SERP2: variants seen among roughly 807,000 people sequenced by gnomAD.
SERP2 encodes stress associated endoplasmic reticulum protein family member 2.
A neutral mutation model predicts 9.1 loss-of-function variants in SERP2; 6 were observed. The observed-to-expected ratio is 0.66, with a 90% CI of 0.36 to 1.30. The LOEUF (loss-of-function observed/expected upper bound fraction) is 1.30. Ranked by LOEUF, SERP2 falls within the 50% of genes most tolerant of loss-of-function variation. The pLI, the probability that SERP2 is intolerant of heterozygous loss-of-function variation, is 0.03. For synonymous variants in SERP2, 37 were observed against 27.3 expected, an observed-to-expected ratio of 1.35 and a Z score of -1.10; for missense variants, 58 against 81.9, an observed-to-expected ratio of 0.71 and a Z score of 1.13.
chr13:44,392,933 G>A (rs1436882392), intron 2 of SERP2, among the ~76,000 whole-genome samples: 1 of 152,134 alleles, frequency 6.6e-6, no homozygotes, highest in Non-Finnish European at 1.5e-5. Flanking sequence ...TATGTTTAAT[G>A]GTCAAGTGGA....
At chr13:44,386,118 G>A (rs772679168) in intron 2 of SERP2, among the ~76,000 whole-genome samples, 7 of 152,126 alleles carry the variant, frequency 4.6e-5, no homozygotes, top group Admixed American at 6.5e-5. Context: ...GTGATAAAGC[G>A]TCAAGTCTTC....
chr13:44,393,278 C>G (rs1250761184), intron 2 of SERP2, among the ~76,000 whole-genome samples: 3 of 151,984 alleles, frequency 2.0e-5, no homozygotes, highest in African/African-American at 7.2e-5. Context: ...AAGAGAGGGC[C>G]CTGTGGATGG....
intron 2 of SERP2, among the ~76,000 whole-genome samples, chr13:44,394,338 T>C (rs967121554): frequency 6.6e-6 from 1 of 152,168 alleles, no homozygotes; most frequent in African/African-American, 2.4e-5. Flanking sequence ...TTGGCCAGGA[T>C]GGTCTCAATC....
Position 44,397,472 on chromosome 13 carries a change from TG to T in SERP2, c.*161del, listed in dbSNP as rs1340867631. 1.4e-5 allele frequency: 9 copies of T among 636,764 alleles called. No homozygotes were observed. The highest frequency in any genetic ancestry group is 2.6e-5 in the Admixed American group (1 of 38,508). 39.4% of individuals were successfully genotyped at this position (636,764 alleles called of 1,614,324 possible). On this transcript the variant is annotated 3_prime_UTR_variant, in exon 3 of 3. Coordinates refer to ENST00000379179, the MANE Select transcript of SERP2 (RefSeq NM_001010897.3). ...CTTCATCGTGGATGTCAGACCAAATTGCCTTCTCACAGGACATCTTGGTGCA... is the reference window on the plus strand; with the variant it reads ...CTTCATCGTGGATGTCAGACCAAATTCCTTCTCACAGGACATCTTGGTGCA...
At chr13:44,384,985 G>C (rs1357048194) in intron 2 of SERP2, among the ~76,000 whole-genome samples, 3 of 152,212 alleles carry the variant, frequency 2.0e-5, no homozygotes, top group African/African-American at 7.2e-5. Flanking sequence ...TAAATATTCA[G>C]GTCAGGCAGA....
chr13:44,388,286 G>A (rs12397520), intron 2 of SERP2, among the ~76,000 whole-genome samples: 2 of 110,592 alleles, frequency 1.8e-5, no homozygotes, highest in Non-Finnish European at 3.9e-5. Flanking sequence ...TTTTGTGTGT[G>A]TGTTTGTTTC....
intron 2 of SERP2, among the ~76,000 whole-genome samples, chr13:44,381,601 C>T (rs1278922145): frequency 6.6e-6 from 1 of 152,236 alleles, no homozygotes; most frequent in African/African-American, 2.4e-5. Flanking sequence ...GTGACCACCA[C>T]AGAGGCAGTA....
intron 1 of SERP2, among the ~76,000 whole-genome samples, chr13:44,375,981 T>C (rs963939557): frequency 2.6e-5 from 4 of 152,284 alleles, no homozygotes; most frequent in African/African-American, 9.6e-5. Flanking sequence ...ATTTAAATTA[T>C]ATTTAATGTA....
chr13:44,397,639 TG>T lies in SERP2; in HGVS notation c.*329del. 2.6e-6 allele frequency: 1 copy of T among 388,670 alleles called. No homozygotes were observed. Among genetic ancestry groups the T allele is most frequent in the South Asian group, 2.7e-5 (1 of 37,232 alleles). 24.1% of individuals were successfully genotyped at this position (388,670 alleles called of 1,614,324 possible). A position where few individuals can be genotyped will look rare whatever the true frequency, so the allele number is the denominator to read the frequency against. ...TGCATGTGGCCCTCTGAACGATCAC[TG>T]GTTTACTTTCTATGGATACAATCTC... is the stretch of plus-strand genomic sequence containing the variant. On this transcript the variant is annotated 3_prime_UTR_variant, in exon 3 of 3. Transcript: ENST00000379179.
rs1221534294 is a variant in SERP2, at chr13:44,379,690, T to G, written c.134T>G (p.Phe45Cys). 1 of 1,612,922 alleles carries G rather than the reference T, an allele frequency of 6.2e-7. No individual in the cohort carries two copies. The highest frequency in any genetic ancestry group is 1.1e-5 in the South Asian group (1 of 90,900). The change falls in exon 2 of 3, where the codon TTT (phenylalanine) becomes TGT (cysteine). Residue 45 changes from phenylalanine to cysteine, a missense_variant. Transcript: ENST00000379179. ...GTGGGACCATGGCTGTTGGCACTGT[T>G]TGTTTTTGTTGTCTGTGGCTCAGGT... ...YPVGPWLLAL[F>C]VFVVCGSAIF...
intron 2 of SERP2, among the ~76,000 whole-genome samples, chr13:44,385,599 A>C (rs1252232129): frequency 6.6e-6 from 1 of 152,222 alleles, no homozygotes; most frequent in Non-Finnish European, 1.5e-5. Flanking sequence ...TAGGCAAGGG[A>C]CTGCTTTGAA....
chr13:44,382,817 A>T (rs1872074026), intron 2 of SERP2, among the ~76,000 whole-genome samples: 1 of 152,170 alleles, frequency 6.6e-6, no homozygotes, highest in Non-Finnish European at 1.5e-5. Context: ...TTGGAAATAC[A>T]ATCCTGTTTG....
Position 44,388,614 on chromosome 13 carries a change from G to A in SERP2, c.158-8658G>A, listed in dbSNP as rs545343711. ...ATTTCTGTGCAGGGACATTCCTTTC[G>A]TCTGTCAGTTAACAGGCGGCACTTT... On this transcript the variant is annotated intron_variant, in intron 2 of 2. Coordinates refer to ENST00000379179, the MANE Select transcript of SERP2 (RefSeq NM_001010897.3). Among the ~76,000 whole-genome samples, 35 of 152,162 alleles carry A rather than the reference G, an allele frequency of 2.3e-4. No individual in the cohort carries two copies. The South Asian group carries it at 5.0e-3, about 22-fold the overall frequency.
Position 44,373,835 on chromosome 13 carries a change from G to A in SERP2, c.-191G>A, listed in dbSNP as rs966001222. The stretch of plus-strand genomic sequence containing the variant: ...TGAGATGAGAGATTACTTCCGTCCG[G>A]GCTGCGGCCTCTCTCTGGAGTCGGC... On this transcript the variant is annotated 5_prime_UTR_variant, in exon 1 of 3. Transcript: ENST00000379179. The surrounding 1 kb of genome is among the most constrained non-coding windows in gnomAD (Gnocchi z 4.8). 44 of 533,634 alleles carry A rather than the reference G, an allele frequency of 8.2e-5. No homozygotes were observed. The highest frequency in any genetic ancestry group is 5.9e-4 in the Admixed American group (14 of 23,602). 33.1% of individuals were successfully genotyped at this position (533,634 alleles called of 1,614,324 possible).
rs1240751006 is a variant in SERP2, at chr13:44,397,680, T to C, written c.*368T>C. The C allele has an allele frequency of 9.3e-5, 27 of 290,440 alleles. No homozygotes were observed. Among genetic ancestry groups the C allele is most frequent in the Admixed American group, 6.3e-4 (13 of 20,622 alleles). The allele number at this position is 290,440 out of a possible 1,614,324, so 18.0% of individuals were successfully genotyped here. A position where few individuals can be genotyped will look rare whatever the true frequency, so the allele number is the denominator to read the frequency against. On this transcript the variant is annotated 3_prime_UTR_variant, in exon 3 of 3. Coordinates refer to ENST00000379179, the MANE Select transcript of SERP2 (RefSeq NM_001010897.3). ...GATACAATCTCTCCTCCATTGAGAA[T>C]TGATTTTACAAATAAATGTCTTCGT...
intron 2 of SERP2, among the ~76,000 whole-genome samples, chr13:44,391,273 G>A (rs1278739110): frequency 6.6e-6 from 1 of 152,088 alleles, no homozygotes; most frequent in Non-Finnish European, 1.5e-5. Context: ...CTTCCCCTTC[G>A]AAGACTGAGC....
chr13:44,379,609 A>C (rs771803069), intron 1 of SERP2, 32 bp from the exon 2 acceptor site: 9 of 1,530,312 alleles, frequency 5.9e-6, no homozygotes, highest in Middle Eastern at 3.4e-4. Context: ...GAGTCAATGA[A>C]CCTAATCTTA....
chr13:44,388,964 G>A (rs1872483223), intron 2 of SERP2, among the ~76,000 whole-genome samples: 1 of 152,176 alleles, frequency 6.6e-6, no homozygotes, highest in South Asian at 2.1e-4. Flanking sequence ...GGACATATGG[G>A]AGGCCAAAGA....
chr13:44,387,361 T>A (rs1391462779), intron 2 of SERP2, among the ~76,000 whole-genome samples: 2 of 152,184 alleles, frequency 1.3e-5, no homozygotes, highest in African/African-American at 2.4e-5. Context: ...GGGCTGCAGT[T>A]GATTGGTAAT....
Sources: gnomAD v4.1 joint callset for allele counts (sites outside exome capture counted in the v4.1 genomes callset) on GRCh38, gnomAD v4.1.1 for gene constraint, Gnocchi (gnomAD v3.1) non-coding constraint, MANE v1.5 for transcripts, NCBI Gene and HGNC (gene_info 2026-07-23, HGNC 2026-07-21) for gene names.